Variants in REDIC1 observed in about 807,000 individuals in gnomAD.
REDIC1 encodes HEI10 Interacting Protein 1.
At chr12:39,755,216 T>C in the REDIC1 span, 3 of 152,240 alleles carry the variant, frequency 2.0e-5, no homozygotes, top group South Asian at 6.2e-4. Context: ...TAGGCTAGGA[T>C]GACTTTGAAG....
At chr12:39,831,760 C>T in the REDIC1 span, among the ~76,000 whole-genome samples, 5 of 151,960 alleles carry the variant, frequency 3.3e-5, no homozygotes, top group African/African-American at 1.2e-4. Context: ...GAGCCTGGAA[C>T]CTCCCTCTTC....
chr12:39,714,039 A>G, the REDIC1 span, among the ~76,000 whole-genome samples: 2 of 42,062 alleles, frequency 4.8e-5, no homozygotes, highest in Non-Finnish European at 1.3e-4. Flanking sequence ...ATATACATGT[A>G]TATACACATG....
At chr12:39,797,724 G>C in the REDIC1 span, among the ~76,000 whole-genome samples, 3 of 105,294 alleles carry the variant, frequency 2.8e-5, no homozygotes, top group Non-Finnish European at 5.8e-5. Context: ...GCCAGTTATG[G>C]TAAACACACA....
chr12:39,769,756 C>A, the REDIC1 span, among the ~76,000 whole-genome samples: 1 of 151,842 alleles, frequency 6.6e-6, no homozygotes, highest in Non-Finnish European at 1.5e-5. Flanking sequence ...CTCAAATGTT[C>A]AACTCCTCTC....
At chr12:39,860,476 T>C in the REDIC1 span, among the ~76,000 whole-genome samples, 1 of 152,184 alleles carries the variant, frequency 6.6e-6, no homozygotes, top group Admixed American at 6.5e-5. Flanking sequence ...GCATGGATAA[T>C]AATTCTTCAT....
At chr12:39,830,669 G>GT in the REDIC1 span, among the ~76,000 whole-genome samples, 13 of 151,302 alleles carry the variant, frequency 8.6e-5, no homozygotes, top group African/African-American at 2.4e-4. Flanking sequence ...AATGAAAATA[G>GT]TTTTTTTTTC....
At chr12:39,691,255 T>C in the REDIC1 span, among the ~76,000 whole-genome samples, 1 of 152,186 alleles carries the variant, frequency 6.6e-6, no homozygotes, top group Non-Finnish European at 1.5e-5. Context: ...ACAGTCTAGC[T>C]GTATGTCCAA....
chr12:39,853,549 C>T, the REDIC1 span, among the ~76,000 whole-genome samples: 1 of 147,070 alleles, frequency 6.8e-6, no homozygotes, highest in Non-Finnish European at 1.5e-5. Flanking sequence ...CTTTTCTTTT[C>T]TTTCTTTCTT....
At chr12:39,778,031 T>C in the REDIC1 span, among the ~76,000 whole-genome samples, 1 of 152,138 alleles carries the variant, frequency 6.6e-6, no homozygotes, top group Non-Finnish European at 1.5e-5. Context: ...GCTGTAAACA[T>C]TCACCCCTAG....
At chr12:39,829,352 A>C in the REDIC1 span, 1 of 151,254 alleles carries the variant, frequency 6.6e-6, no homozygotes, top group Non-Finnish European at 1.5e-5. Flanking sequence ...TAAGAATAAA[A>C]AAAAAAAGTT....
the REDIC1 span, chr12:39,754,972 C>T: frequency 8.6e-5 from 13 of 151,958 alleles, no homozygotes; most frequent in African/African-American, 2.9e-4. Flanking sequence ...TATCATCTAA[C>T]CTACATCCAA....
the REDIC1 span, among the ~76,000 whole-genome samples, chr12:39,813,024 T>A: frequency 5.2e-5 from 7 of 134,978 alleles, no homozygotes; most frequent in East Asian, 1.5e-3. Flanking sequence ...TTTTTTTTTT[T>A]AGTAGAGATG....
At chr12:39,642,457 A>G in the REDIC1 span, among the ~76,000 whole-genome samples, 2 of 151,488 alleles carry the variant, frequency 1.3e-5, no homozygotes, top group Non-Finnish European at 3.0e-5. Flanking sequence ...TCCCCAAACA[A>G]TAATTTCCAT....
At chr12:39,700,234 G>A in the REDIC1 span, among the ~76,000 whole-genome samples, 2 of 152,276 alleles carry the variant, frequency 1.3e-5, no homozygotes, top group Middle Eastern at 3.4e-3. Flanking sequence ...CCAATACAGA[G>A]AAGTGCTTAA....
the REDIC1 span, among the ~76,000 whole-genome samples, chr12:39,847,885 T>C: frequency 6.6e-6 from 1 of 152,206 alleles, no homozygotes; most frequent in East Asian, 1.9e-4. Context: ...TCTCTCTAAA[T>C]ATATACTTGT....
chr12:39,874,433 G>A, the REDIC1 span, among the ~76,000 whole-genome samples: 1 of 152,060 alleles, frequency 6.6e-6, no homozygotes, highest in Non-Finnish European at 1.5e-5. Flanking sequence ...GGCCAACATG[G>A]TGAAACCCCA....
chr12:39,775,962 T>C, the REDIC1 span, among the ~76,000 whole-genome samples: 1 of 152,188 alleles, frequency 6.6e-6, no homozygotes, highest in Non-Finnish European at 1.5e-5. Context: ...CTCAAAAAGC[T>C]TGGAATTTTG....
the REDIC1 span, among the ~76,000 whole-genome samples, chr12:39,731,220 G>A: frequency 6.6e-6 from 1 of 152,100 alleles, no homozygotes; most frequent in Admixed American, 6.5e-5. Context: ...GTGATTCTTT[G>A]GGGGAGAAGA....
the REDIC1 span, among the ~76,000 whole-genome samples, chr12:39,903,713 A>G: frequency 1.3e-5 from 2 of 152,130 alleles, no homozygotes; most frequent in Non-Finnish European, 2.9e-5. Flanking sequence ...GGCCCCAGAA[A>G]TGGAGACATC....
Sources: gnomAD v4.1 joint callset for allele counts (sites outside exome capture counted in the v4.1 genomes callset) on GRCh38, gnomAD v4.1.1 for gene constraint, MANE v1.5 for transcripts, NCBI Gene and HGNC (gene_info 2026-07-23, HGNC 2026-07-21) for gene names.